NALF1: variants seen among roughly 807,000 people sequenced by gnomAD.
The protein encoded by NALF1 is family with sequence similarity 155 member A.
A neutral mutation model predicts 48.4 loss-of-function variants in NALF1; 3 were observed. The ratio of observed to expected loss-of-function variants is 0.06; its 90% CI spans 0.03 to 0.16. The LOEUF (loss-of-function observed/expected upper bound fraction) is 0.16, where lower values mean the gene tolerates loss of function less well. Among genes scored for constraint, NALF1 ranks in the 10% least tolerant of loss-of-function variants. NALF1 has a pLI of 1.00. For synonymous variants in NALF1, 262 were observed against 245.7 expected (o/e 1.07, Z -0.62); for missense variants, 526 against 571.5 (o/e 0.92, Z 0.81).
At chr13:107,504,537 T>G (rs1875635322) in intron 1 of NALF1, among the ~76,000 whole-genome samples, 1 of 152,178 alleles carries the variant, frequency 6.6e-6, no homozygotes, top group Admixed American at 6.5e-5. Flanking sequence ...AAACCACATA[T>G]GTACACAATA....
chr13:107,702,590 G>C (rs978256237), intron 1 of NALF1, among the ~76,000 whole-genome samples: 5 of 152,124 alleles, frequency 3.3e-5, no homozygotes, highest in African/African-American at 1.2e-4. Flanking sequence ...GGATGTGCAG[G>C]TTACATAGGT....
chr13:107,442,334 T>C (rs777825042), intron 1 of NALF1, among the ~76,000 whole-genome samples: 13 of 152,184 alleles, frequency 8.5e-5, no homozygotes, highest in Non-Finnish European at 1.3e-4. Context: ...CCTAAATACA[T>C]AGTTGTTCCA....
In NALF1 at chr13:107,240,707, A is replaced by G. The variant is rs534957205; in HGVS notation, c.916-29952T>C. On this transcript the variant is annotated intron_variant, in intron 1 of 2. Transcript: ENST00000375915. ...ACATTTTTAAGAATTCCATTAAAAT[A>G]TAAATTAGATTTTTTGGTCAGTATG... 4.6e-5 allele frequency among the ~76,000 whole-genome samples: 7 copies of G among 152,294 alleles called. 1 individual carries two copies. Among genetic ancestry groups the G allele is most frequent in the Admixed American group, 1.3e-4 (2 of 15,302 alleles).
At chr13:107,287,553 G>T (rs1881520395) in intron 1 of NALF1, among the ~76,000 whole-genome samples, 1 of 152,060 alleles carries the variant, frequency 6.6e-6, no homozygotes, top group African/African-American at 2.4e-5. Context: ...CATTTCTGAA[G>T]ACAGGTTTAT....
intron 1 of NALF1, among the ~76,000 whole-genome samples, chr13:107,245,971 T>C (rs1880574634): frequency 6.6e-6 from 1 of 151,790 alleles, no homozygotes; most frequent in African/African-American, 2.4e-5. Flanking sequence ...AAGATAAGAG[T>C]ACACTACCTT....
At chr13:107,426,032 T>C (rs1250715840) in intron 1 of NALF1, among the ~76,000 whole-genome samples, 2 of 152,186 alleles carry the variant, frequency 1.3e-5, no homozygotes, top group Non-Finnish European at 2.9e-5. Flanking sequence ...GTTAGACATC[T>C]TTTTCCTCAG....
chr13:107,253,386 G>A (rs1438069501), intron 1 of NALF1, among the ~76,000 whole-genome samples: 1 of 152,020 alleles, frequency 6.6e-6, no homozygotes, highest in Non-Finnish European at 1.5e-5. Flanking sequence ...TGTCCTCTTG[G>A]CAGCAGGCAA....
At position 107,473,724 on chromosome 13, in the gene NALF1, G is replaced by A. The variant is rs76055970; in HGVS notation, c.916-262969C>T. 6.2e-3 allele frequency among the ~76,000 whole-genome samples: 945 copies of A among 152,232 alleles called. 10 individuals are homozygous for A. Among genetic ancestry groups the A allele is most frequent in the African/African-American group, 0.021 (879 of 41,532 alleles). On this transcript the variant is annotated intron_variant, in intron 1 of 2. Coordinates refer to ENST00000375915, the MANE Select transcript of NALF1 (RefSeq NM_001080396.3). ...TTCATTTTCACTCCATTCAGCAGAC[G>A]CCCTTCCACCCTGCTCCCTGCCCCA...
At chr13:107,383,505 G>T (rs899935634) in intron 1 of NALF1, among the ~76,000 whole-genome samples, 48 of 152,010 alleles carry the variant, frequency 3.2e-4, no homozygotes, top group South Asian at 2.1e-4. Flanking sequence ...ATTCACTTAC[G>T]ATCTTTTCAC....
chr13:107,170,493 T>G lies in NALF1; in HGVS notation c.*4A>C, dbSNP rs375326068. On this transcript the variant is annotated 3_prime_UTR_variant, in exon 3 of 3. Coordinates refer to ENST00000375915, the MANE Select transcript of NALF1 (RefSeq NM_001080396.3). Reference sequence around the variant, plus strand: ...CTGCTGCTGTGGTGACACTCGTCCTTCCGTTACTCCTCATTGGTTGAGTTT... The same window carrying G: ...CTGCTGCTGTGGTGACACTCGTCCTGCCGTTACTCCTCATTGGTTGAGTTT... 1.3e-6 allele frequency: 2 copies of G among 1,588,254 alleles called. No homozygotes were observed. Among genetic ancestry groups the G allele is most frequent in the Non-Finnish European group, 1.7e-6 (2 of 1,165,400 alleles).
At chr13:107,618,589 G>A (rs1056521349) in intron 1 of NALF1, among the ~76,000 whole-genome samples, 3 of 152,140 alleles carry the variant, frequency 2.0e-5, no homozygotes, top group East Asian at 1.9e-4. Context: ...GGCAGTGGCC[G>A]GACCGGGATG....
rs1880744716 is a variant in NALF1, at chr13:107,866,723, CT to C, written c.-128del. ...TCCTCCCGTTTCTTCTCTCTCCTCT[CT>C]CTCTTTCTCTCTCTTCCCCTCTCCC... On this transcript the variant is annotated 5_prime_UTR_variant, in exon 1 of 3. Coordinates refer to ENST00000375915, the MANE Select transcript of NALF1 (RefSeq NM_001080396.3). This position sits in a 1 kb window ranked among gnomAD's most constrained non-coding sequence, Gnocchi z 4.4. The C allele has an allele frequency of 8.3e-6, 5 of 601,648 alleles. No individual in the cohort carries two copies. Among genetic ancestry groups the C allele is most frequent in the Non-Finnish European group, 1.4e-5 (5 of 355,970 alleles). The allele number at this position is 601,648 out of a possible 1,614,324, so 37.3% of individuals were successfully genotyped here.
At chr13:107,781,741 T>C (rs1877894333) in intron 1 of NALF1, among the ~76,000 whole-genome samples, 1 of 152,020 alleles carries the variant, frequency 6.6e-6, no homozygotes, top group African/African-American at 2.4e-5. Flanking sequence ...GTCACTGCTA[T>C]ACGCCTCTAA....
chr13:107,678,187 C>T (rs1251217292), intron 1 of NALF1, among the ~76,000 whole-genome samples: 2 of 152,150 alleles, frequency 1.3e-5, no homozygotes, highest in Non-Finnish European at 2.9e-5. Flanking sequence ...TTAGCTTGCA[C>T]TTTACAAGCT....
rs149116050 is a variant in NALF1 at position 107,293,699 on chromosome 13, C to A, written c.916-82944G>T. Among the ~76,000 whole-genome samples, 426 of 152,194 alleles carry A rather than the reference C, an allele frequency of 2.8e-3. 3 individuals carry two copies. Among genetic ancestry groups the A allele is most frequent in the African/African-American group, 9.9e-3 (411 of 41,528 alleles). ...TATTCTCTTACATCCTTGTGAAAAA[C>A]GGGGAATTTTCTTGGAACCAACCCT... On this transcript the variant is annotated intron_variant, in intron 1 of 2. Coordinates refer to ENST00000375915, the MANE Select transcript of NALF1 (RefSeq NM_001080396.3).
chr13:107,860,251 C>G (rs1880535302), intron 1 of NALF1, among the ~76,000 whole-genome samples: 1 of 152,146 alleles, frequency 6.6e-6, no homozygotes, highest in Admixed American at 6.5e-5. Context: ...TCAGTCTCAT[C>G]AATAGAAATT....
intron 1 of NALF1, among the ~76,000 whole-genome samples, chr13:107,428,915 G>T (rs1884327677): frequency 6.6e-6 from 1 of 152,106 alleles, no homozygotes; most frequent in Non-Finnish European, 1.5e-5. Context: ...ACAGTCAAAG[G>T]TCAATTCTTC....
chr13:107,612,966 A>T (rs1323117237), intron 1 of NALF1, among the ~76,000 whole-genome samples: 1 of 151,486 alleles, frequency 6.6e-6, no homozygotes, highest in Non-Finnish European at 1.5e-5. Context: ...GAGAGGGCAA[A>T]TTTATGGGTT....
At chr13:107,354,245 C>T (rs1397637673) in intron 1 of NALF1, among the ~76,000 whole-genome samples, 4 of 152,238 alleles carry the variant, frequency 2.6e-5, no homozygotes, top group African/African-American at 4.8e-5. Context: ...TGGACTTTAG[C>T]ATGGGTGGAG....
Sources: gnomAD v4.1 joint callset for allele counts (sites outside exome capture counted in the v4.1 genomes callset) on GRCh38, gnomAD v4.1.1 for gene constraint, Gnocchi (gnomAD v3.1) non-coding constraint, MANE v1.5 for transcripts, NCBI Gene and HGNC (gene_info 2026-07-23, HGNC 2026-07-21) for gene names.